The following TENM2 variants were observed in gnomAD, a reference collection of about 807,000 sequenced individuals.
The protein encoded by TENM2 is teneurin-2.
Under a neutral mutation model 245.2 loss-of-function variants are expected in TENM2, and 52 were observed. The observed-to-expected ratio is 0.21, with a 90% CI of 0.17 to 0.27. The LOEUF is 0.27. Among genes scored for constraint, TENM2 ranks in the 10% least tolerant of loss-of-function variants. The probability of loss-of-function intolerance (pLI) is 1.00; values close to 1 mark genes in which losing one functional copy is unlikely to be tolerated. For missense variants in TENM2, 3,046 were observed against 3,666.8 expected (o/e 0.83, Z 4.37); for synonymous variants, 1,363 against 1,438.9 (o/e 0.95, Z 1.19).
chr5:167,305,409 A>C (rs1250291028), intron 1 of TENM2, among the ~76,000 whole-genome samples: 1 of 152,218 alleles, frequency 6.6e-6, no homozygotes, highest in African/African-American at 2.4e-5. Context: ...TCAGTGGCTA[A>C]CGAAAACAGT....
At chr5:167,150,302 T>C in the TENM2 span, among the ~76,000 whole-genome samples, 1 of 152,314 alleles carries the variant, frequency 6.6e-6, no homozygotes. Flanking sequence ...TGAAATTTAA[T>C]TTCTGCTTCT....
At chr5:167,787,075 C>T (rs187452659) in intron 2 of TENM2, among the ~76,000 whole-genome samples, 122 of 152,138 alleles carry the variant, frequency 8.0e-4, no homozygotes, top group Admixed American at 3.8e-3. Context: ...AGATGATTAT[C>T]CCCAGGGGGC....
At position 168,227,819 on chromosome 5, in the gene TENM2, A is replaced by AG. The variant is rs369347181; in HGVS notation, c.5285-72dup. ...CCATGGAAACCTATTAAAAAAAAATAGGGGTTCTATTCTCTTCTGACTAAT... is the reference window on the plus strand; with the variant it reads ...CCATGGAAACCTATTAAAAAAAAATAGGGGGTTCTATTCTCTTCTGACTAAT... On this transcript the variant is annotated intron_variant, in intron 24 of 28. Coordinates refer to ENST00000518659, the Ensembl canonical transcript of TENM2. 1.2e-4 allele frequency: 119 copies of AG among 958,626 alleles called. 1 individual carries two copies. In the African/African-American group the frequency reaches 1.4e-3, roughly 11 times the overall value. 59.4% of individuals were successfully genotyped at this position (958,626 alleles called of 1,614,324 possible).
At chr5:167,841,488 A>G (rs1769514582) in intron 2 of TENM2, among the ~76,000 whole-genome samples, 2 of 152,194 alleles carry the variant, frequency 1.3e-5, no homozygotes, top group Admixed American at 1.3e-4. Flanking sequence ...TGCCATTTGC[A>G]GTATCATTCT....
chr5:168,241,077 A>ACC (rs2152678576), intron 25 of TENM2: 2 of 151,764 alleles, frequency 1.3e-5, no homozygotes, highest in East Asian at 3.9e-4. Context: ...TAACTTTTGG[A>ACC]CCTGTTTTTA....
chr5:167,920,457 G>T (rs1777279404), intron 3 of TENM2, among the ~76,000 whole-genome samples: 1 of 150,812 alleles, frequency 6.6e-6, no homozygotes. Context: ...GGTGGAGGTT[G>T]CAGTGAGCCA....
At chr5:167,540,513 C>G (rs1772133607) in intron 2 of TENM2, among the ~76,000 whole-genome samples, 1 of 152,200 alleles carries the variant, frequency 6.6e-6, no homozygotes, top group African/African-American at 2.4e-5. Flanking sequence ...TAGCCATGCT[C>G]ATTCGTTTAT....
intron 1 of TENM2, among the ~76,000 whole-genome samples, chr5:167,348,563 C>T: frequency 6.6e-6 from 1 of 152,050 alleles, no homozygotes; most frequent in Non-Finnish European, 1.5e-5. Context: ...CCCAGTGTAG[C>T]CCGTTTAATC....
intron 2 of TENM2, among the ~76,000 whole-genome samples, chr5:167,461,168 T>C (rs1278096802): frequency 6.6e-6 from 1 of 152,194 alleles, no homozygotes; most frequent in Non-Finnish European, 1.5e-5. Context: ...TATTCATATA[T>C]ACTGTGGTGT....
At chr5:167,660,243 A>T (rs1037418613) in intron 2 of TENM2, 13 of 152,226 alleles carry the variant, frequency 8.5e-5, no homozygotes, top group African/African-American at 2.7e-4. Context: ...CTGGCAGATC[A>T]CGAGGTCAGG....
the TENM2 span, among the ~76,000 whole-genome samples, chr5:167,110,691 G>A: frequency 6.6e-6 from 1 of 152,164 alleles, no homozygotes; most frequent in Non-Finnish European, 1.5e-5. Flanking sequence ...CTTGGACATT[G>A]CCTAATTTTA....
intron 1 of TENM2, among the ~76,000 whole-genome samples, chr5:167,307,775 A>C (rs1360447841): frequency 6.6e-6 from 1 of 152,224 alleles, no homozygotes; most frequent in Non-Finnish European, 1.5e-5. Flanking sequence ...AGAGTAAAGA[A>C]AAGTAGAAAG....
chr5:167,229,830 C>A, the TENM2 span, among the ~76,000 whole-genome samples: 9 of 152,314 alleles, frequency 5.9e-5, no homozygotes, highest in Non-Finnish European at 1.3e-4. Context: ...TAAGTGATAG[C>A]AAATGTGCTG....
At chr5:167,424,432 A>C (rs1763691177) in intron 2 of TENM2, among the ~76,000 whole-genome samples, 1 of 152,178 alleles carries the variant, frequency 6.6e-6, no homozygotes, top group African/African-American at 2.4e-5. Flanking sequence ...CTACCTCAAG[A>C]CACTCTGGAA....
At chr5:168,171,204 T>A (rs1380289969) in intron 13 of TENM2, among the ~76,000 whole-genome samples, 1 of 152,246 alleles carries the variant, frequency 6.6e-6, no homozygotes, top group African/African-American at 2.4e-5. Context: ...TATGGAAATA[T>A]CACACTCCTA....
chr5:167,182,475 G>T, the TENM2 span, among the ~76,000 whole-genome samples: 4 of 151,998 alleles, frequency 2.6e-5, no homozygotes, highest in Non-Finnish European at 5.9e-5. Context: ...AGGACTAATC[G>T]TGATTAGATG....
chr5:167,719,281 C>T (rs979015878), intron 2 of TENM2, among the ~76,000 whole-genome samples: 1 of 152,166 alleles, frequency 6.6e-6, no homozygotes. Flanking sequence ...TGTGAAGACT[C>T]CGCGGGACCA....
chr5:167,803,694 C>T (rs527412196), intron 2 of TENM2, among the ~76,000 whole-genome samples: 1 of 151,944 alleles, frequency 6.6e-6, no homozygotes, highest in East Asian at 1.9e-4. Flanking sequence ...TTCTTTCCTC[C>T]TTCCTTCCTC....
rs544699415 is a variant in TENM2, at chr5:167,663,141, G to GGAGAGAGAGAGAGAGAGA, written c.503-212816_503-212799dup. 1.0e-3 allele frequency among the ~76,000 whole-genome samples: 113 copies of GGAGAGAGAGAGAGAGAGA among 108,578 alleles called. 1 individual carries two copies. Among genetic ancestry groups the GGAGAGAGAGAGAGAGAGA allele is most frequent in the Non-Finnish European group, 1.4e-3 (73 of 53,512 alleles). The allele number at this position is 108,578 out of a possible 152,430, so 71.2% of individuals were successfully genotyped here. On this transcript the variant is annotated intron_variant, in intron 2 of 28. Coordinates refer to ENST00000518659, the Ensembl canonical transcript of TENM2. Reference sequence around the variant, plus strand: ...AGAGAGACAGAGAGAATGGGGATGGGGAGAGAGAGAGAGAGAGAGAGAGAG... The same window carrying GGAGAGAGAGAGAGAGAGA: ...AGAGAGACAGAGAGAATGGGGATGGGGAGAGAGAGAGAGAGAGAGAGAGAGAGAGAGAGAGAGAGAGAG...
Sources: allele counts gnomAD v4.1 joint callset (sites outside exome capture counted in the v4.1 genomes callset), GRCh38; gene constraint gnomAD v4.1.1; transcripts MANE v1.5; gene names NCBI Gene and HGNC (gene_info 2026-07-23, HGNC 2026-07-21).